The following SRPRB variants were observed in gnomAD, a reference collection of about 807,000 sequenced individuals.
The protein encoded by SRPRB is SRP receptor subunit beta.
In SRPRB, 20 loss-of-function variants were observed where a neutral mutation model predicts 31.9. The observed-to-expected ratio is 0.63, with a 90% CI of 0.44 to 0.91. The LOEUF (loss-of-function observed/expected upper bound fraction) is 0.91. Among genes scored for constraint, SRPRB ranks in the 40% least tolerant of loss-of-function variants. SRPRB has a pLI of 0.00. For missense variants in SRPRB, 321 were observed against 324.9 expected (o/e 0.99, Z 0.09); for synonymous variants, 146 against 132.8 (o/e 1.10, Z -0.68).
intron 1 of SRPRB, 109 bp downstream of exon 1, chr3:133,806,111 T>TA: frequency 6.9e-7 from 1 of 1,439,008 alleles, no homozygotes; most frequent in Non-Finnish European, 9.3e-7. Flanking sequence ...CTTGAGGGCA[T>TA]CAGGAGGGTG....
At chr3:133,792,267 G>A (rs899274763) in intron 1 of SRPRB, 1 of 152,108 alleles carries the variant, frequency 6.6e-6, no homozygotes, top group Non-Finnish European at 1.5e-5. Flanking sequence ...TAAAATAAGC[G>A]GTTGTTAAAA....
At chr3:133,814,590 C>T (rs1039048740) in intron 4 of SRPRB, among the ~76,000 whole-genome samples, 3 of 152,132 alleles carry the variant, frequency 2.0e-5, no homozygotes, top group Non-Finnish European at 4.4e-5. Context: ...AGGCTCCCGC[C>T]ACCATATCTG....
Position 133,819,713 on chromosome 3 carries a change from G to C in SRPRB, c.763G>C (p.Val255Leu). The C allele has an allele frequency of 6.2e-7, 1 of 1,614,188 alleles. No homozygotes were observed. The highest frequency in any genetic ancestry group is 8.5e-7 in the Non-Finnish European group (1 of 1,180,040). ...ECSAKGGRGD[V>L]GSADIQDLEK... ...CAGTGCCAAGGGTGGAAGAGGGGAC[G>C]TGGGCTCTGCTGACATCCAGGACTT... The change falls in exon 7 of 7, where the codon GTG becomes CTG. Residue 255 changes from valine (V) to leucine (L), a missense_variant. By Grantham distance (32) the Val-to-Leu change is conservative. Transcript: ENST00000678299.
chr3:133,807,197 CTCT>C (rs948198345), intron 2 of SRPRB, among the ~76,000 whole-genome samples: 2 of 149,770 alleles, frequency 1.3e-5, no homozygotes, highest in African/African-American at 4.9e-5. Flanking sequence ...TGCTTTTTAA[CTCT>C]TCTTTTTGAG....
chr3:133,807,612 C>G (rs1935185979), intron 2 of SRPRB, 134 bp from the exon 3 acceptor site: 1 of 629,112 alleles, frequency 1.6e-6, no homozygotes, highest in Admixed American at 3.6e-5. Flanking sequence ...TAAAAAAAAT[C>G]AATATCGTCT....
downstream of SRPRB, among the ~76,000 whole-genome samples, chr3:133,822,246 C>T (rs1935485536): frequency 2.0e-5 from 3 of 152,016 alleles, no homozygotes; most frequent in Non-Finnish European, 1.5e-5. Flanking sequence ...TGTATGGACA[C>T]CGAGACCTCC....
chr3:133,806,985 A>G (rs1935175093), intron 2 of SRPRB, among the ~76,000 whole-genome samples: 1 of 152,190 alleles, frequency 6.6e-6, no homozygotes, highest in South Asian at 2.1e-4. Context: ...CCAGAATAGC[A>G]GAAGGCATAG....
intron 5 of SRPRB, among the ~76,000 whole-genome samples, chr3:133,816,144 C>G (rs550517050): frequency 6.3e-4 from 96 of 152,264 alleles, no homozygotes; most frequent in Non-Finnish European, 1.1e-3. Context: ...ACCTGATAAC[C>G]ATTGAAAACT....
At chr3:133,803,231 G>T (rs1001604159), upstream of SRPRB, among the ~76,000 whole-genome samples, 3 of 151,510 alleles carry the variant, frequency 2.0e-5, no homozygotes, top group African/African-American at 7.3e-5. Flanking sequence ...AATTATCTAT[G>T]TCACCCCAAA....
At position 133,819,550 on chromosome 3, in the gene SRPRB, C is replaced by A. The variant is rs1013531913; in HGVS notation, c.603-3C>A. 1.2e-6 allele frequency: 2 copies of A among 1,610,168 alleles called. No individual in the cohort carries two copies. The highest frequency in any genetic ancestry group is 2.7e-5 in the African/African-American group (2 of 74,864). ...TCCTGACTTCTTTCCTTTTGCCCCACAGCAACACCTTACGAGTTACCCGTT... is the reference window on the plus strand; with the variant it reads ...TCCTGACTTCTTTCCTTTTGCCCCAAAGCAACACCTTACGAGTTACCCGTT... On this transcript the variant is annotated splice_polypyrimidine_tract_variant and splice_region_variant and intron_variant, in intron 6 of 6. Transcript: ENST00000678299.
chr3:133,817,100 AACTT>A (rs1164087234), intron 6 of SRPRB, among the ~76,000 whole-genome samples, 168 bp downstream of exon 6: 8 of 152,376 alleles, frequency 5.3e-5, no homozygotes, highest in Admixed American at 1.3e-4. Flanking sequence ...GAATCACAAA[AACTT>A]ACTAGGGTGC....
At chr3:133,823,202 G>T (rs993682396), downstream of SRPRB, among the ~76,000 whole-genome samples, 9 of 152,180 alleles carry the variant, frequency 5.9e-5, no homozygotes, top group African/African-American at 1.7e-4. Flanking sequence ...GTGTTCCCAT[G>T]ATGCTGATGT....
downstream of SRPRB, chr3:133,825,217 G>T (rs1178066044): frequency 6.6e-6 from 1 of 152,202 alleles, no homozygotes; most frequent in East Asian, 1.9e-4. Flanking sequence ...AAGGAATGAG[G>T]CTGCTCTACC....
At chr3:133,784,249 C>T (rs1934590033) in intron 1 of SRPRB, 1 of 152,188 alleles carries the variant, frequency 6.6e-6, no homozygotes, top group East Asian at 1.9e-4. Context: ...GTAAGAATAA[C>T]TTGCGCCATT....
At chr3:133,827,697 T>A, downstream of SRPRB, 2 of 581,190 alleles carry the variant, frequency 3.4e-6, no homozygotes, top group Non-Finnish European at 6.1e-6. Flanking sequence ...TATTAGCAGC[T>A]GAGGCTCTAA....
At chr3:133,804,843 C>G (rs1329782131), upstream of SRPRB, among the ~76,000 whole-genome samples, 1 of 152,166 alleles carries the variant, frequency 6.6e-6, no homozygotes, top group Non-Finnish European at 1.5e-5. Flanking sequence ...TGTCTCTACT[C>G]AGCCATACAA....
chr3:133,794,522 A>G (rs1426202896), intron 1 of SRPRB: 1 of 152,238 alleles, frequency 6.6e-6, no homozygotes, highest in Non-Finnish European at 1.5e-5. Flanking sequence ...AAAGCTTTTT[A>G]TGGTTCACTG....
At chr3:133,793,259 A>C (rs1436424971) in intron 1 of SRPRB, 1 of 152,168 alleles carries the variant, frequency 6.6e-6, no homozygotes, top group African/African-American at 2.4e-5. Flanking sequence ...CTTTTAAAAC[A>C]TTTTTGAGTC....
In SRPRB at chr3:133,819,948, T is replaced by C. The variant is rs1455320211; in HGVS notation, c.*182T>C. 2 of 589,480 alleles carry C rather than the reference T, an allele frequency of 3.4e-6. No individual in the cohort carries two copies. Among genetic ancestry groups the C allele is most frequent in the Non-Finnish European group, 6.0e-6 (2 of 335,544 alleles). 36.5% of individuals were successfully genotyped at this position (589,480 alleles called of 1,614,324 possible). A position where few individuals can be genotyped will look rare whatever the true frequency, so the allele number is the denominator to read the frequency against. The stretch of plus-strand genomic sequence containing the variant: ...TTTTTTTTTTTTTTTTAAGTTCAGT[T>C]CTCCCTTATGGCTGCCTTTCAAACA... On this transcript the variant is annotated 3_prime_UTR_variant, in exon 7 of 7. Coordinates refer to ENST00000678299, the MANE Select transcript of SRPRB (RefSeq NM_001379313.1).
Sources: allele counts gnomAD v4.1 joint callset (sites outside exome capture counted in the v4.1 genomes callset), GRCh38; gene constraint gnomAD v4.1.1; transcripts MANE v1.5; gene names NCBI Gene and HGNC (gene_info 2026-07-23, HGNC 2026-07-21).